UCKL1: variants seen among roughly 807,000 people sequenced by gnomAD.
UCKL1 encodes uridine-cytidine kinase 1 like 1.
In UCKL1, 65 loss-of-function variants were observed where a neutral mutation model predicts 59.2. The observed-to-expected ratio is 1.10, with a 90% CI of 0.90 to 1.35. The LOEUF is 1.35. Ranked by LOEUF, UCKL1 falls within the 40% of genes most tolerant of loss-of-function variation. The probability of loss-of-function intolerance (pLI) is 0.00; values close to 1 mark genes in which losing one functional copy is unlikely to be tolerated. For synonymous variants in UCKL1, 410 were observed against 323.1 expected (o/e 1.27, Z -2.88); for missense variants, 703 against 784.3 (o/e 0.90, Z 1.24).
rs60132263 is a variant in UCKL1 at position 63,953,025 on chromosome 20, G to A, written c.113+3235C>T. Among the ~76,000 whole-genome samples the A allele has an allele frequency of 2.8e-3, 431 of 152,348 alleles. 3 individuals are homozygous for A. Among genetic ancestry groups the A allele is most frequent in the African/African-American group, 9.9e-3 (411 of 41,582 alleles). ...AGCACTGTGGGAGGCCGAGGCGGGC[G>A]GATCACCCAAGGTCGGAGTTTGAGA... is the stretch of plus-strand genomic sequence containing the variant. On this transcript the variant is annotated intron_variant, in intron 1 of 14. Transcript: ENST00000354216.
Position 63,946,495 on chromosome 20 carries a change from A to G in UCKL1, c.262T>C (p.Tyr88His). 6.3e-7 allele frequency: 1 copy of G among 1,587,528 alleles called. No individual in the cohort carries two copies. Among genetic ancestry groups the G allele is most frequent in the Non-Finnish European group, 8.6e-7 (1 of 1,166,566 alleles). The change falls in exon 2 of 15, where the codon TAC (tyrosine) becomes CAC (histidine). Residue 88 changes from tyrosine (Y) to histidine (H), a missense_variant. Tyr to His is a moderately conservative substitution (Grantham distance 83). Coordinates refer to ENST00000354216, the MANE Select transcript of UCKL1 (RefSeq NM_017859.4). ...TIYTAGRPPW[Y>H]NEHGTQSKEA... is the part of the protein sequence containing the mutation. ...TTGGATTGCGTGCCGTGTTCATTGTACCAGGGCGGCCGCCCGGCGGTGTAG... is the reference window on the plus strand; with the variant it reads ...TTGGATTGCGTGCCGTGTTCATTGTGCCAGGGCGGCCGCCCGGCGGTGTAG...
chr20:63,944,468 G>GA lies in UCKL1; in HGVS notation c.845-11dup. ...ACCGTGTTGCCGCTCCCTGGGGCGG[G>GA]ATGGGGGGGCGGGTGACCGGGGGCT... On this transcript the variant is annotated splice_polypyrimidine_tract_variant and intron_variant, in intron 6 of 14. Transcript: ENST00000354216. 1 of 1,043,190 alleles carries GA rather than the reference G, an allele frequency of 9.6e-7. No individual in the cohort carries two copies. Among genetic ancestry groups the GA allele is most frequent in the Non-Finnish European group, 1.4e-6 (1 of 711,566 alleles). 64.6% of individuals were successfully genotyped at this position (1,043,190 alleles called of 1,614,324 possible).
chr20:63,943,216 G>A (rs1056431845), intron 8 of UCKL1, among the ~76,000 whole-genome samples: 3 of 152,326 alleles, frequency 2.0e-5, no homozygotes, highest in Non-Finnish European at 4.4e-5. Flanking sequence ...GGACAGGCGC[G>A]AGGCCCTCCA....
intron 7 of UCKL1, among the ~76,000 whole-genome samples, chr20:63,943,923 G>C (rs1389184896): frequency 6.6e-6 from 1 of 152,226 alleles, no homozygotes; most frequent in East Asian, 1.9e-4. Flanking sequence ...CATCCTGGTA[G>C]GGAGTGTGTT....
rs745503821 is a variant in UCKL1 at position 63,956,414 on chromosome 20, C to T, written c.-42G>A. The T allele has an allele frequency of 7.4e-7, 1 of 1,345,136 alleles. No homozygotes were observed. Among genetic ancestry groups the T allele is most frequent in the Non-Finnish European group, 9.6e-7 (1 of 1,044,714 alleles). The allele number at this position is 1,345,136 out of a possible 1,614,324, so 83.3% of individuals were successfully genotyped here. The stretch of plus-strand genomic sequence containing the variant: ...TTTGCGGGCCTGGCCGGGCGGCGCG[C>T]ATGGGCCGCCGGGAGCTGGCGGGTC... On this transcript the variant is annotated 5_prime_UTR_variant, in exon 1 of 15. It removes an upstream start codon present in the reference 5' UTR. Transcript: ENST00000354216.
At position 63,944,457 on chromosome 20, in the gene UCKL1, C is replaced by T. The variant is rs2055570224; in HGVS notation, c.846G>A (p.Gly282=). The change falls in exon 7 of 15, where the codon GGG becomes GGA. Residue 282 remains glycine, a splice_region_variant and synonymous_variant. Coordinates refer to ENST00000354216, the MANE Select transcript of UCKL1 (RefSeq NM_017859.4). ...GGTCGATGGCCACCGTGTTGCCGCT[C>T]CCTGGGGCGGGATGGGGGGGCGGGT... The part of the protein sequence containing the change: ...MRLADIVVPR[G]SGNTVAIDLI... 2 of 1,579,028 alleles carry T rather than the reference C, an allele frequency of 1.3e-6. No homozygotes were observed. Among genetic ancestry groups the T allele is most frequent in the East Asian group, 2.3e-5 (1 of 43,232 alleles).
Position 63,940,721 on chromosome 20 carries a change from G to C in UCKL1, c.1180-5C>G, listed in dbSNP as rs372574800. 6.2e-7 allele frequency: 1 copy of C among 1,607,206 alleles called. No individual in the cohort carries two copies. The highest frequency in any genetic ancestry group is 8.5e-7 in the Non-Finnish European group (1 of 1,178,154). On this transcript the variant is annotated splice_polypyrimidine_tract_variant and splice_region_variant and intron_variant, in intron 11 of 14. Transcript: ENST00000354216. ...CAGAATGGACACACCGGTGATCTGCGGGGAGGGGAGGCTAAGCGCCCACAT... is the reference window on the plus strand; with the variant it reads ...CAGAATGGACACACCGGTGATCTGCCGGGAGGGGAGGCTAAGCGCCCACAT...
In UCKL1 at chr20:63,946,514, G is replaced by A. The variant is rs144271647; in HGVS notation, c.243C>T (p.Thr81=). 1.7e-4 allele frequency: 274 copies of A among 1,599,036 alleles called. No homozygotes were observed. Among genetic ancestry groups the A allele is most frequent in the South Asian group, 1.2e-3 (108 of 89,362 alleles). ...CATTGTACCAGGGCGGCCGCCCGGC[G>A]GTGTAGATGGTACGCTTGCTTGTAC... ...LLRTSKRTIY[T]AGRPPWYNEH... Residue 81 remains threonine, a synonymous_variant, in exon 2 of 15, where the codon ACC becomes ACT. Coordinates refer to ENST00000354216, the MANE Select transcript of UCKL1 (RefSeq NM_017859.4).
rs1239226211 is a variant in UCKL1 at position 63,956,380 on chromosome 20, G to C, written c.-8C>G. 4 of 1,484,622 alleles carry C rather than the reference G, an allele frequency of 2.7e-6. No homozygotes were observed. The African/African-American group carries it at 4.4e-5, about 16-fold the overall frequency. The allele number at this position is 1,484,622 out of a possible 1,614,324, so 92.0% of individuals were successfully genotyped here. On this transcript the variant is annotated 5_prime_UTR_variant, in exon 1 of 15. Transcript: ENST00000354216. ...GGCCGGGGGCGCAGCCATGGCGCTC[G>C]GAGGCCTCTTTGCGGGCCTGGCCGG...
chr20:63,956,207 A>G, intron 1 of UCKL1, 53 bp downstream of exon 1: 2 of 1,426,436 alleles, frequency 1.4e-6, no homozygotes, highest in Non-Finnish European at 1.8e-6. Context: ...GCTCGGCCGG[A>G]TCTGCAGCCC....
intron 7 of UCKL1, among the ~76,000 whole-genome samples, chr20:63,943,958 C>T (rs1280133064): frequency 6.6e-6 from 1 of 152,216 alleles, no homozygotes; most frequent in Non-Finnish European, 1.5e-5. Flanking sequence ...CTCCAAGGCC[C>T]AGCCATAGAA....
At chr20:63,941,515 A>G (rs1283835182) in intron 8 of UCKL1, 3 of 411,556 alleles carry the variant, frequency 7.3e-6, no homozygotes, top group African/African-American at 6.2e-5. Flanking sequence ...AGGAAGCAGA[A>G]GTGGGCCGGG....
At chr20:63,943,713 C>A in intron 7 of UCKL1, 44 bp from the exon 8 acceptor site, 2 of 1,612,008 alleles carry the variant, frequency 1.2e-6, no homozygotes, top group South Asian at 2.2e-5. Flanking sequence ...GGTGGCGCGT[C>A]AGTGACCAGG....
chr20:63,940,114 C>T (rs776937751), intron 14 of UCKL1, 36 bp downstream of exon 14: 2 of 1,612,172 alleles, frequency 1.2e-6, no homozygotes, highest in South Asian at 2.2e-5. Context: ...ACCCACCCTG[C>T]CCTCATGTGC....
At chr20:63,947,193 G>A (rs186329231) in intron 1 of UCKL1, among the ~76,000 whole-genome samples, 3 of 152,318 alleles carry the variant, frequency 2.0e-5, no homozygotes, top group Admixed American at 2.0e-4. Context: ...CAAGGACAGA[G>A]GAACAGCAAA....
At chr20:63,947,294 T>G (rs1379612501) in intron 1 of UCKL1, among the ~76,000 whole-genome samples, 2 of 152,332 alleles carry the variant, frequency 1.3e-5, no homozygotes, top group African/African-American at 4.8e-5. Context: ...CTCTGTCCCC[T>G]AGGGGACTCA....
At chr20:63,946,995 A>C (rs1415898386) in intron 1 of UCKL1, among the ~76,000 whole-genome samples, 1 of 151,824 alleles carries the variant, frequency 6.6e-6, no homozygotes, top group Non-Finnish European at 1.5e-5. Flanking sequence ...GAGGCAGGAG[A>C]ATGGCTTGAA....
chr20:63,948,669 G>A (rs1601240548), intron 1 of UCKL1, among the ~76,000 whole-genome samples: 2 of 146,818 alleles, frequency 1.4e-5, no homozygotes, highest in East Asian at 4.0e-4. Flanking sequence ...GTGTGTGAGA[G>A]GGAGGGGGTG....
chr20:63,948,608 A>AAAGG (rs1569122163), intron 1 of UCKL1: 1 of 73,632 alleles, frequency 1.4e-5, no homozygotes. Context: ...GGCGTGTGTG[A>AAAGG]GAGGGAGGGG....
Sources: gnomAD v4.1 joint callset for allele counts (sites outside exome capture counted in the v4.1 genomes callset) on GRCh38, gnomAD v4.1.1 for gene constraint, MANE v1.5 for transcripts, NCBI Gene and HGNC (gene_info 2026-07-23, HGNC 2026-07-21) for gene names.